SARM1: variants seen among roughly 807,000 people sequenced by gnomAD.
SARM1 encodes sterile alpha and TIR motif containing 1.
Under a neutral mutation model 65.1 loss-of-function variants are expected in SARM1, and 60 were observed. That is an observed-to-expected ratio of 0.92 (90% CI 0.75 to 1.14). The LOEUF is 1.14. Among genes scored for constraint, SARM1 ranks in the 50% most tolerant of loss-of-function variants. The pLI, the probability that SARM1 is intolerant of heterozygous loss-of-function variation, is 0.00. For synonymous variants in SARM1, 417 were observed against 465.4 expected (o/e 0.90, Z 1.34); for missense variants, 913 against 1,015.7 (o/e 0.90, Z 1.37).
At position 28,399,266 on chromosome 17, in the gene SARM1, G is replaced by A. The variant is rs1249433631; in HGVS notation, c.*2980G>A. The A allele has an allele frequency of 2.7e-5, 6 of 221,924 alleles. No individual in the cohort carries two copies. 13.7% of individuals were successfully genotyped at this position (221,924 alleles called of 1,614,324 possible). ...TACACGTGTTGGGAACCTGGTTGGG[G>A]CTGTGCAGTTTGGGCTGGAAGGAGA... On this transcript the variant is annotated 3_prime_UTR_variant, in exon 9 of 9. Coordinates refer to ENST00000585482, the MANE Select transcript of SARM1 (RefSeq NM_015077.4).
chr17:28,377,417 C>A (rs2067998619), intron 1 of SARM1, among the ~76,000 whole-genome samples: 1 of 152,130 alleles, frequency 6.6e-6, no homozygotes, highest in South Asian at 2.1e-4. Flanking sequence ...TAATGGGATC[C>A]TGTCTCTACA....
chr17:28,372,911 A>C lies in SARM1; in HGVS notation c.470+409A>C. 5 of 168,150 alleles carry C rather than the reference A, an allele frequency of 3.0e-5. No homozygotes were observed. Among genetic ancestry groups the C allele is most frequent in the Non-Finnish European group, 5.1e-5 (4 of 78,500 alleles). The allele number at this position is 168,150 out of a possible 1,614,324, so 10.4% of individuals were successfully genotyped here. A position where few individuals can be genotyped will look rare whatever the true frequency, so the allele number is the denominator to read the frequency against. Reference sequence around the variant, plus strand: ...TCGCCATCATCCCATCCCTCTCCCAATGAGAGAAGAAGGGAAACACAACGC... The same window carrying C: ...TCGCCATCATCCCATCCCTCTCCCACTGAGAGAAGAAGGGAAACACAACGC... On this transcript the variant is annotated intron_variant, in intron 1 of 8. Coordinates refer to ENST00000585482, the MANE Select transcript of SARM1 (RefSeq NM_015077.4). This position sits in a 1 kb window ranked among gnomAD's most constrained non-coding sequence, Gnocchi z 5.2.
chr17:28,371,802 C>T lies in SARM1; in HGVS notation c.-231C>T, dbSNP rs2067955464. On this transcript the variant is annotated 5_prime_UTR_variant, in exon 1 of 9. Transcript: ENST00000585482. ...CCCTCGCCTGCTCGCTCTCTCCTTT[C>T]GCCCACTCCCTGCATCTGGGCCTGC... 2.4e-6 allele frequency: 1 copy of T among 419,148 alleles called. No homozygotes were observed. The highest frequency in any genetic ancestry group is 4.4e-5 in the Admixed American group (1 of 22,484). 26.0% of individuals were successfully genotyped at this position (419,148 alleles called of 1,614,324 possible). A position where few individuals can be genotyped will look rare whatever the true frequency, so the allele number is the denominator to read the frequency against.
chr17:28,383,369 A>G (rs1555585541), intron 2 of SARM1, among the ~76,000 whole-genome samples: 1 of 152,136 alleles, frequency 6.6e-6, no homozygotes, highest in Admixed American at 6.5e-5. Flanking sequence ...GTGAGGCTCC[A>G]TCTCAAAAAA....
In SARM1 at chr17:28,388,409, TG is replaced by T. The variant is rs2068064023; in HGVS notation, c.1795del (p.Glu599LysfsTer46). The T allele has an allele frequency of 6.2e-7, 1 of 1,613,988 alleles. No individual in the cohort carries two copies. Among genetic ancestry groups the T allele is most frequent in the South Asian group, 1.1e-5 (1 of 91,080 alleles). ...GFSVFIDVEK[L>X]EAGKFEDKLI... ...AGTGTCTTCATTGATGTGGAGAAGC[TG>T]GAAGCAGGCAAGTTCGAGGACAAAC... On this transcript the variant is annotated frameshift_variant, in exon 7 of 9. Transcript: ENST00000585482. LOFTEE classifies it high-confidence loss of function.
At chr17:28,378,777 CCT>C (rs1461759343) in intron 1 of SARM1, among the ~76,000 whole-genome samples, 5 of 152,172 alleles carry the variant, frequency 3.3e-5, no homozygotes, top group Non-Finnish European at 7.3e-5. Flanking sequence ...CCTGCCTCAG[CCT>C]CTCAGGTAGC....
chr17:28,385,366 C>T lies in SARM1; in HGVS notation c.1630+91C>T. 1.0e-6 allele frequency: 1 copy of T among 999,558 alleles called. No individual in the cohort carries two copies. The highest frequency in any genetic ancestry group is 1.7e-5 in the South Asian group (1 of 60,176). The allele number at this position is 999,558 out of a possible 1,614,324, so 61.9% of individuals were successfully genotyped here. A position where few individuals can be genotyped will look rare whatever the true frequency, so the allele number is the denominator to read the frequency against. On this transcript the variant is annotated intron_variant, in intron 5 of 8. Coordinates refer to ENST00000585482, the MANE Select transcript of SARM1 (RefSeq NM_015077.4). This position sits in a 1 kb window ranked among gnomAD's most constrained non-coding sequence, Gnocchi z 4.5. Reference sequence around the variant, plus strand: ...GGAGACACGGGGTGGAGCCTTCCAGCCTCGCCGTGGATTGATTGAGCACAA... The same window carrying T: ...GGAGACACGGGGTGGAGCCTTCCAGTCTCGCCGTGGATTGATTGAGCACAA...
rs762025374 is a variant in SARM1 at position 28,396,369 on chromosome 17, T to C, written c.*83T>C. ...GAACAGCTCCTGAAACCAGTCTCCC[T>C]GGGCTGAGACAACCTGGGCTCTTCT... On this transcript the variant is annotated 3_prime_UTR_variant, in exon 9 of 9. Transcript: ENST00000585482. 39 of 1,546,512 alleles carry C rather than the reference T, an allele frequency of 2.5e-5. No homozygotes were observed. The Middle Eastern group carries it at 6.6e-4, about 26-fold the overall frequency.
Position 28,401,586 on chromosome 17 carries a change from T to C in SARM1, c.*5300T>C, listed in dbSNP as rs2068197825. The C allele has an allele frequency of 6.6e-6, 1 of 152,264 alleles. No individual in the cohort carries two copies. The highest frequency in any genetic ancestry group is 1.5e-5 in the Non-Finnish European group (1 of 68,092). The allele number at this position is 152,264 out of a possible 1,614,324, so 9.4% of individuals were successfully genotyped here. On this transcript the variant is annotated 3_prime_UTR_variant, in exon 9 of 9. Transcript: ENST00000585482. Reference sequence around the variant, plus strand: ...AGATATACCAGGAGAACCCACAGTTTACAAAATGTGCAACAACCCAACAGA... The same window carrying C: ...AGATATACCAGGAGAACCCACAGTTCACAAAATGTGCAACAACCCAACAGA...
intron 1 of SARM1, chr17:28,374,161 C>T (rs1391285547): frequency 6.6e-6 from 1 of 151,478 alleles, no homozygotes; most frequent in Non-Finnish European, 1.5e-5. Context: ...TCTGTAATCC[C>T]AGCTACTGGG....
intron 1 of SARM1, 26 bp from the exon 2 acceptor site, chr17:28,381,177 T>C: frequency 6.4e-7 from 1 of 1,561,222 alleles, no homozygotes; most frequent in Non-Finnish European, 8.7e-7. Context: ...GCAATTCCAC[T>C]GTCCCCTTCC....
In SARM1 at chr17:28,400,663, C is replaced by T. The variant is rs1327266121; in HGVS notation, c.*4377C>T. 2 of 1,613,530 alleles carry T rather than the reference C, an allele frequency of 1.2e-6. No homozygotes were observed. The highest frequency in any genetic ancestry group is 8.5e-7 in the Non-Finnish European group (1 of 1,179,840). On this transcript the variant is annotated 3_prime_UTR_variant, in exon 9 of 9. Coordinates refer to ENST00000585482, the MANE Select transcript of SARM1 (RefSeq NM_015077.4). ...GGCCAGCTCCCAGGAGGAAGGGGAACCCCTTCATAAAGTTCAGAGTGGCTG... is the reference window on the plus strand; with the variant it reads ...GGCCAGCTCCCAGGAGGAAGGGGAATCCCTTCATAAAGTTCAGAGTGGCTG...
chr17:28,402,586 C>T lies in SARM1; in HGVS notation c.*6300C>T. On this transcript the variant is annotated 3_prime_UTR_variant, in exon 9 of 9. Transcript: ENST00000585482. ...CTGAACCTCTTGTGGTCACAGCAGG[C>T]ATCACCCACCCACTTGGCACTTAGT... 1 of 345,660 alleles carries T rather than the reference C, an allele frequency of 2.9e-6. No homozygotes were observed. Among genetic ancestry groups the T allele is most frequent in the African/African-American group, 2.1e-5 (1 of 48,490 alleles). The allele number at this position is 345,660 out of a possible 1,614,324, so 21.4% of individuals were successfully genotyped here. A position where few individuals can be genotyped will look rare whatever the true frequency, so the allele number is the denominator to read the frequency against.
chr17:28,391,821 C>A (rs1377664468), intron 7 of SARM1, among the ~76,000 whole-genome samples: 1 of 149,904 alleles, frequency 6.7e-6, no homozygotes, highest in Non-Finnish European at 1.5e-5. Flanking sequence ...AGCTGAGATG[C>A]CATGCCTGGG....
chr17:28,385,916 C>T lies in SARM1; in HGVS notation c.1630+641C>T, dbSNP rs1555585978. 2.0e-5 allele frequency among the ~76,000 whole-genome samples: 3 copies of T among 152,280 alleles called. No homozygotes were observed. The East Asian group carries it at 5.8e-4, about 29-fold the overall frequency. The stretch of plus-strand genomic sequence containing the variant: ...GTTTTTAAGATATTATCCCATCAGT[C>T]TCTATATTGATTCTATGCAATGAGT... On this transcript the variant is annotated intron_variant, in intron 5 of 8. Coordinates refer to ENST00000585482, the MANE Select transcript of SARM1 (RefSeq NM_015077.4). This position sits in a 1 kb window ranked among gnomAD's most constrained non-coding sequence, Gnocchi z 4.5.
chr17:28,385,396 G>C lies in SARM1; in HGVS notation c.1630+121G>C. On this transcript the variant is annotated intron_variant, in intron 5 of 8. Transcript: ENST00000585482. This position sits in a 1 kb window ranked among gnomAD's most constrained non-coding sequence, Gnocchi z 4.5. ...CCGTGGATTGATTGAGCACAAACGT[G>C]GGTCACACTGGGCTCTGAGGATGTA... The C allele has an allele frequency of 2.8e-6, 2 of 722,588 alleles. No individual in the cohort carries two copies. The highest frequency in any genetic ancestry group is 4.5e-6 in the Non-Finnish European group (2 of 448,850). The allele number at this position is 722,588 out of a possible 1,614,324, so 44.8% of individuals were successfully genotyped here.
At position 28,396,142 on chromosome 17, in the gene SARM1, C is replaced by A; in HGVS notation, c.2046-15C>A. ...TGCCCAGCTGTCTGAACCACATTGG[C>A]TCCTGTGCCCACAGGTGGTCCCACG... On this transcript the variant is annotated splice_polypyrimidine_tract_variant and intron_variant, in intron 8 of 8. Transcript: ENST00000585482. The A allele has an allele frequency of 6.2e-7, 1 of 1,613,928 alleles. No individual in the cohort carries two copies. Among genetic ancestry groups the A allele is most frequent in the Non-Finnish European group, 8.5e-7 (1 of 1,179,854 alleles).
rs782511801 is a variant in SARM1 at position 28,372,618 on chromosome 17, A to G, written c.470+116A>G. On this transcript the variant is annotated intron_variant, in intron 1 of 8. Coordinates refer to ENST00000585482, the MANE Select transcript of SARM1 (RefSeq NM_015077.4). The surrounding 1 kb of genome is among the most constrained non-coding windows in gnomAD (Gnocchi z 5.2). Reference sequence around the variant, plus strand: ...CTCCCTCACCTCTCTGACTGCCTGCACTACATCTCTGTTAGGGGTCAGCCT... The same window carrying G: ...CTCCCTCACCTCTCTGACTGCCTGCGCTACATCTCTGTTAGGGGTCAGCCT... 9.3e-5 allele frequency: 68 copies of G among 733,006 alleles called. No individual in the cohort carries two copies. The highest frequency in any genetic ancestry group is 1.3e-4 in the Non-Finnish European group (60 of 471,642). 45.4% of individuals were successfully genotyped at this position (733,006 alleles called of 1,614,324 possible). A position where few individuals can be genotyped will look rare whatever the true frequency, so the allele number is the denominator to read the frequency against.
At position 28,384,374 on chromosome 17, in the gene SARM1, C is replaced by G. The variant is rs782141880; in HGVS notation, c.1107C>G (p.Gly369=). 7.3e-5 allele frequency: 116 copies of G among 1,597,118 alleles called. No homozygotes were observed. The highest frequency in any genetic ancestry group is 9.9e-5 in the Non-Finnish European group (116 of 1,170,738). Reference sequence around the variant, plus strand: ...CTCCCTAGGTGTTCAGCGACATCGGCGCCATCCAGAGCCTGAAACGCCTGG... The same window carrying G: ...CTCCCTAGGTGTTCAGCGACATCGGGGCCATCCAGAGCCTGAAACGCCTGG... ...QGKTKVFSDI[G]AIQSLKRLVS... is the part of the protein sequence containing the mutation. Residue 369 remains glycine, a synonymous_variant, in exon 3 of 9, where the codon GGC becomes GGG. Transcript: ENST00000585482. The surrounding 1 kb of genome is among the most constrained non-coding windows in gnomAD (Gnocchi z 4.4).
Sources: allele counts gnomAD v4.1 joint callset (sites outside exome capture counted in the v4.1 genomes callset), GRCh38; gene constraint gnomAD v4.1.1; non-coding constraint Gnocchi (gnomAD v3.1); transcripts MANE v1.5; gene names NCBI Gene and HGNC (gene_info 2026-07-23, HGNC 2026-07-21).